The following PCDH15 variants were observed in gnomAD, a reference collection of about 807,000 sequenced individuals.
The protein encoded by PCDH15 is protocadherin-15.
A neutral mutation model predicts 178.5 loss-of-function variants in PCDH15; 129 were observed. The observed-to-expected ratio is 0.72, with a 90% CI of 0.63 to 0.84. The LOEUF is 0.84. PCDH15 is among the 40% of genes least tolerant of loss of function. The pLI, the probability that PCDH15 is intolerant of heterozygous loss-of-function variation, is 0.00. For missense variants in PCDH15, 2,230 were observed against 2,099.9 expected (o/e 1.06, Z -1.21); for synonymous variants, 800 against 732.0 (o/e 1.09, Z -1.50).
chr10:54,591,661 T>G (rs1166685287), intron 2 of PCDH15, among the ~76,000 whole-genome samples: 1 of 152,076 alleles, frequency 6.6e-6, no homozygotes, highest in African/African-American at 2.4e-5. Context: ...TAAAATACAT[T>G]TTAAAAAGAA....
At chr10:55,613,017 A>ATTTTTTTTTTTTTTTTTTTTTTTTTTTTT (rs34403286) in intron 2 of PCDH15, among the ~76,000 whole-genome samples, 1 of 82,388 alleles carries the variant, frequency 1.2e-5, no homozygotes, top group Non-Finnish European at 2.4e-5. Context: ...TACTAGCCAG[A>ATTTTTTTTTTTTTTTTTTTTTTTTTTTTT]TTTTTTTTTT....
rs376162168 is a variant in PCDH15, at chr10:54,608,343, A to T, written c.91+55829T>A. Among the ~76,000 whole-genome samples, 257 of 151,848 alleles carry T rather than the reference A, an allele frequency of 1.7e-3. 1 individual carries two copies. The highest frequency in any genetic ancestry group is 6.0e-3 in the African/African-American group (250 of 41,494). On this transcript the variant is annotated intron_variant, in intron 2 of 37. Coordinates refer to ENST00000644397, the MANE Select transcript of PCDH15 (RefSeq NM_001384140.1). ...GAAAAAATAGCGGACATGGTGGGGT[A>T]CACCTATAGTCCAGCCACTTAGAGA...
At chr10:55,069,131 C>A (rs1213724728) in intron 2 of PCDH15, among the ~76,000 whole-genome samples, 1 of 151,126 alleles carries the variant, frequency 6.6e-6, no homozygotes, top group African/African-American at 2.4e-5. Context: ...GTCTCGAACT[C>A]CTGTCCTGAT....
At chr10:55,556,097 T>C (rs998079238) in intron 2 of PCDH15, among the ~76,000 whole-genome samples, 1 of 152,168 alleles carries the variant, frequency 6.6e-6, no homozygotes, top group African/African-American at 2.4e-5. Flanking sequence ...ATACACACAC[T>C]ATAGCTCTAG....
At chr10:54,091,809 G>A (rs2094604813) in intron 15 of PCDH15, among the ~76,000 whole-genome samples, 1 of 151,972 alleles carries the variant, frequency 6.6e-6, no homozygotes, top group Non-Finnish European at 1.5e-5. Context: ...CATTTTATAA[G>A]ACTTATTTTA....
At chr10:55,547,910 T>TGTGAGAGAGAGAGA (rs541144266) in intron 2 of PCDH15, among the ~76,000 whole-genome samples, 1,266 of 54,204 alleles carry the variant, frequency 0.023, 42 homozygotes, top group East Asian at 0.042. Flanking sequence ...TGTGTGTGTG[T>TGTGAGAGAGAGAGA]GAGAGAGAGA....
At position 54,685,795 on chromosome 10, in the gene PCDH15, G is replaced by T. The variant is rs542119784; in HGVS notation, c.-28-21505C>A. On this transcript the variant is annotated intron_variant, in intron 1 of 37. Coordinates refer to ENST00000644397, the MANE Select transcript of PCDH15 (RefSeq NM_001384140.1). ...GTTGGGCAAAATCATCTAATACAAA[G>T]TTAATTTTTATAATAGTGTTGAATA... Among the ~76,000 whole-genome samples, 5 of 152,112 alleles carry T rather than the reference G, an allele frequency of 3.3e-5. No individual in the cohort carries two copies. The South Asian group carries it at 8.3e-4, about 25-fold the overall frequency.
At chr10:53,899,901 G>A (rs985415553) in intron 26 of PCDH15, among the ~76,000 whole-genome samples, 2 of 152,068 alleles carry the variant, frequency 1.3e-5, no homozygotes, top group African/African-American at 2.4e-5. Flanking sequence ...CCTTCCGCTC[G>A]TAAATCCCTT....
At chr10:54,667,125 G>A (rs189007885) in intron 1 of PCDH15, among the ~76,000 whole-genome samples, 1 of 151,842 alleles carries the variant, frequency 6.6e-6, no homozygotes, top group African/African-American at 2.4e-5. Context: ...GATAATTTTA[G>A]GGGAAATATT....
chr10:54,945,635 T>C (rs1838179586), intron 2 of PCDH15, among the ~76,000 whole-genome samples: 1 of 151,718 alleles, frequency 6.6e-6, no homozygotes, highest in Admixed American at 6.6e-5. Context: ...TTTATGTTGC[T>C]GATAATTGAT....
intron 15 of PCDH15, among the ~76,000 whole-genome samples, chr10:54,119,148 A>G (rs1308292159): frequency 6.6e-6 from 1 of 152,212 alleles, no homozygotes; most frequent in Non-Finnish European, 1.5e-5. Flanking sequence ...GTCCCTAACC[A>G]AAATGGAAAC....
intron 3 of PCDH15, among the ~76,000 whole-genome samples, chr10:54,449,389 A>G (rs1442816023): frequency 6.6e-6 from 1 of 151,772 alleles, no homozygotes; most frequent in Non-Finnish European, 1.5e-5. Flanking sequence ...ACTGAGAGAA[A>G]AATCTAGAGA....
At chr10:54,080,048 C>A (rs2094411775) in intron 16 of PCDH15, among the ~76,000 whole-genome samples, 2 of 151,990 alleles carry the variant, frequency 1.3e-5, no homozygotes, top group South Asian at 4.2e-4. Context: ...ATGATTGTTT[C>A]AGAAGAGGAA....
chr10:54,489,104 G>A (rs193139036), intron 3 of PCDH15, among the ~76,000 whole-genome samples: 1 of 152,016 alleles, frequency 6.6e-6, no homozygotes, highest in Non-Finnish European at 1.5e-5. Context: ...AATTTATTAT[G>A]CCCTGGATCA....
intron 8 of PCDH15, among the ~76,000 whole-genome samples, chr10:54,282,735 C>A (rs1185467757): frequency 6.6e-6 from 1 of 151,866 alleles, no homozygotes; most frequent in African/African-American, 2.4e-5. Flanking sequence ...TTTGACACTA[C>A]TAGAATGATT....
intron 3 of PCDH15, among the ~76,000 whole-genome samples, chr10:54,827,262 T>C (rs1953148071): frequency 6.6e-6 from 1 of 152,126 alleles, no homozygotes; most frequent in South Asian, 2.1e-4. Flanking sequence ...CTGAGTCCAC[T>C]AGCCAGAATA....
intron 5 of PCDH15, among the ~76,000 whole-genome samples, chr10:54,348,066 T>A (rs1015360172): frequency 6.6e-6 from 1 of 152,012 alleles, no homozygotes; most frequent in Non-Finnish European, 1.5e-5. Context: ...GCAAGGATGG[T>A]CTCGATCTCC....
intron 29 of PCDH15, among the ~76,000 whole-genome samples, chr10:53,834,804 C>T (rs2077211781): frequency 6.6e-6 from 1 of 152,152 alleles, no homozygotes. Flanking sequence ...CAACAATCTA[C>T]CCTGCATCTC....
intron 14 of PCDH15, among the ~76,000 whole-genome samples, chr10:54,143,837 T>C (rs537213082): frequency 7.9e-5 from 12 of 152,296 alleles, no homozygotes; most frequent in Admixed American, 7.9e-4. Context: ...AATTCATGTG[T>C]GTTAGTTTGC....
Sources: allele counts gnomAD v4.1 joint callset (sites outside exome capture counted in the v4.1 genomes callset), GRCh38; gene constraint gnomAD v4.1.1; transcripts MANE v1.5; gene names NCBI Gene and HGNC (gene_info 2026-07-23, HGNC 2026-07-21).